The following NELL1 variants were observed in gnomAD, a reference collection of about 807,000 sequenced individuals.
NELL1 encodes neural EGFL like 1.
Under a neutral mutation model 107.4 loss-of-function variants are expected in NELL1, and 76 were observed. The observed-to-expected ratio is 0.71, with a 90% CI of 0.59 to 0.86. The LOEUF is 0.86. NELL1 is among the 40% of genes least tolerant of loss of function. The pLI, the probability that NELL1 is intolerant of heterozygous loss-of-function variation, is 0.00. For missense variants in NELL1, 1,024 were observed against 1,005.5 expected, an observed-to-expected ratio of 1.02 and a Z score of -0.25; for synonymous variants, 353 against 341.2, an observed-to-expected ratio of 1.03 and a Z score of -0.38.
intron 11 of NELL1, among the ~76,000 whole-genome samples, chr11:20,958,195 A>G (rs2134211646): frequency 6.6e-6 from 1 of 152,260 alleles, no homozygotes; most frequent in Non-Finnish European, 1.5e-5. Context: ...AGGTGGGGAA[A>G]TCGCTTGAGC....
intron 13 of NELL1, among the ~76,000 whole-genome samples, chr11:21,203,430 CTTTTTTTTT>C (rs35689054): frequency 2.0e-5 from 2 of 101,314 alleles, no homozygotes; most frequent in African/African-American, 7.8e-5. Context: ...GCAACCCTTG[CTTTTTTTTT>C]TTTTTTTTTT....
At chr11:21,441,997 AAAATACTTATAGGTTCCT>A (rs1853298225) in intron 15 of NELL1, among the ~76,000 whole-genome samples, 1 of 152,186 alleles carries the variant, frequency 6.6e-6, no homozygotes, top group African/African-American at 2.4e-5. Context: ...AACTAAAATA[AAAATACTTATAGGTTCCT>A]ATGATGTAAG....
At chr11:21,081,691 T>C (rs898691236) in intron 12 of NELL1, among the ~76,000 whole-genome samples, 1 of 152,182 alleles carries the variant, frequency 6.6e-6, no homozygotes, top group Non-Finnish European at 1.5e-5. Flanking sequence ...ATTTTACCCA[T>C]GTTCAAACTG....
intron 4 of NELL1, among the ~76,000 whole-genome samples, chr11:20,877,643 A>G: frequency 6.6e-6 from 1 of 152,244 alleles, no homozygotes; most frequent in East Asian, 1.9e-4. Flanking sequence ...CACCTTGGGA[A>G]GAAAATTCCT....
intron 10 of NELL1, among the ~76,000 whole-genome samples, chr11:20,946,570 C>T (rs1394905352): frequency 6.6e-6 from 1 of 152,092 alleles, no homozygotes; most frequent in East Asian, 1.9e-4. Context: ...CTAACTGATC[C>T]TCTTTCAGTT....
chr11:21,055,106 G>A (rs1853582453), intron 12 of NELL1, among the ~76,000 whole-genome samples: 1 of 151,922 alleles, frequency 6.6e-6, no homozygotes, highest in South Asian at 2.1e-4. Context: ...TTGATCAAAT[G>A]TACCAGAACT....
At chr11:21,024,551 G>A (rs753897477) in intron 12 of NELL1, among the ~76,000 whole-genome samples, 6 of 152,032 alleles carry the variant, frequency 3.9e-5, no homozygotes, top group Non-Finnish European at 8.8e-5. Flanking sequence ...ATTATTTTGA[G>A]GAGTAACTGG....
chr11:20,797,136 G>C (rs529418225), intron 3 of NELL1, among the ~76,000 whole-genome samples: 53 of 152,330 alleles, frequency 3.5e-4, no homozygotes, highest in Non-Finnish European at 6.8e-4. Context: ...TTAGCCTTTA[G>C]GCCCAGGGCA....
chr11:21,465,650 T>C (rs1030282984), intron 15 of NELL1, among the ~76,000 whole-genome samples: 3 of 152,100 alleles, frequency 2.0e-5, no homozygotes, highest in African/African-American at 7.2e-5. Flanking sequence ...TTGGGCAACC[T>C]CACAGACAAG....
chr11:20,700,710 C>A (rs1006690909), intron 2 of NELL1, among the ~76,000 whole-genome samples: 1 of 152,030 alleles, frequency 6.6e-6, no homozygotes, highest in African/African-American at 2.4e-5. Flanking sequence ...ACCCTGTGTC[C>A]AAGTGCTCTC....
chr11:20,874,756 A>AT (rs1849271287), intron 4 of NELL1, among the ~76,000 whole-genome samples: 1 of 151,816 alleles, frequency 6.6e-6, no homozygotes, highest in African/African-American at 2.4e-5. Context: ...CTGCTAGAAA[A>AT]TTTTCTCTAT....
intron 2 of NELL1, among the ~76,000 whole-genome samples, chr11:20,707,184 G>C (rs1218500307): frequency 6.6e-6 from 1 of 152,146 alleles, no homozygotes; most frequent in Non-Finnish European, 1.5e-5. Context: ...TTGTCACGTA[G>C]TTCTCCTGCC....
intron 3 of NELL1, among the ~76,000 whole-genome samples, chr11:20,813,592 G>A (rs1337516881): frequency 6.6e-6 from 1 of 152,200 alleles, no homozygotes; most frequent in African/African-American, 2.4e-5. Flanking sequence ...TATATATTCA[G>A]TGTCTTGAGT....
At chr11:20,951,109 T>A (rs1851060390) in intron 11 of NELL1, among the ~76,000 whole-genome samples, 2 of 152,204 alleles carry the variant, frequency 1.3e-5, no homozygotes, top group African/African-American at 4.8e-5. Context: ...AGGCCTAGAC[T>A]GGGAATTTGA....
Position 21,274,237 on chromosome 11 carries a change from A to G in NELL1, c.1549+44783A>G, listed in dbSNP as rs575327881. Reference sequence around the variant, plus strand: ...ACCAATCAAATGGAAAACAAAAAAAAGCAGGGGTTGCAATCCTAGTCTCTG... The same window carrying G: ...ACCAATCAAATGGAAAACAAAAAAAGGCAGGGGTTGCAATCCTAGTCTCTG... On this transcript the variant is annotated intron_variant, in intron 14 of 19. Coordinates refer to ENST00000357134, the MANE Select transcript of NELL1 (RefSeq NM_006157.5). 6.4e-3 allele frequency among the ~76,000 whole-genome samples: 978 copies of G among 152,272 alleles called. 9 individuals carry two copies. Among genetic ancestry groups the G allele is most frequent in the African/African-American group, 0.023 (936 of 41,556 alleles).
At chr11:20,690,945 C>T (rs1854448794) in intron 2 of NELL1, among the ~76,000 whole-genome samples, 1 of 152,006 alleles carries the variant, frequency 6.6e-6, no homozygotes, top group Non-Finnish European at 1.5e-5. Flanking sequence ...TGTTTGTGTC[C>T]TCTTTTGTTT....
intron 12 of NELL1, among the ~76,000 whole-genome samples, chr11:21,027,138 A>C (rs745318016): frequency 6.6e-6 from 1 of 152,172 alleles, no homozygotes; most frequent in African/African-American, 2.4e-5. Context: ...TTTTAAATGA[A>C]ATTTATATGA....
At chr11:21,112,847 T>C (rs1050894061) in intron 12 of NELL1, among the ~76,000 whole-genome samples, 1 of 152,020 alleles carries the variant, frequency 6.6e-6, no homozygotes, top group African/African-American at 2.4e-5. Flanking sequence ...ACAAGCAGTC[T>C]GAGTAAAAGG....
intron 4 of NELL1, among the ~76,000 whole-genome samples, chr11:20,862,624 T>TTC (rs1564938743): frequency 1.3e-5 from 2 of 148,280 alleles, no homozygotes; most frequent in Non-Finnish European, 1.5e-5. Flanking sequence ...TTTTTTTTTT[T>TTC]TTTTATTGAT....
Sources: allele counts gnomAD v4.1 joint callset (sites outside exome capture counted in the v4.1 genomes callset), GRCh38; gene constraint gnomAD v4.1.1; transcripts MANE v1.5; gene names NCBI Gene and HGNC (gene_info 2026-07-23, HGNC 2026-07-21).